The following PTPRT variants were observed in gnomAD, a reference collection of about 807,000 sequenced individuals.
The protein encoded by PTPRT is protein tyrosine phosphatase receptor type T.
In PTPRT, 56 loss-of-function variants were observed where a neutral mutation model predicts 176.8. That is an observed-to-expected ratio of 0.32 (90% confidence interval 0.26 to 0.40). The LOEUF (loss-of-function observed/expected upper bound fraction) is 0.40. Among genes scored for constraint, PTPRT ranks in the 10% least tolerant of loss-of-function variants. The probability of loss-of-function intolerance (pLI) is 1.00; values close to 1 mark genes in which losing one functional copy is unlikely to be tolerated. For synonymous variants in PTPRT, 783 were observed against 739.0 expected, an observed-to-expected ratio of 1.06 and a Z score of -0.96; for missense variants, 1,540 against 1,908.2, an observed-to-expected ratio of 0.81 and a Z score of 3.60.
intron 17 of PTPRT, among the ~76,000 whole-genome samples, chr20:42,146,808 C>G (rs892710827): frequency 8.5e-5 from 13 of 152,218 alleles, no homozygotes; most frequent in Non-Finnish European, 5.9e-5. Context: ...TTAATGACTT[C>G]ACCCCAAATG....
intron 7 of PTPRT, among the ~76,000 whole-genome samples, chr20:42,563,693 A>T (rs2072991566): frequency 6.6e-6 from 1 of 152,242 alleles, no homozygotes; most frequent in African/African-American, 2.4e-5. Flanking sequence ...ATATGTCTTT[A>T]TCATGGAGAG....
intron 7 of PTPRT, among the ~76,000 whole-genome samples, chr20:42,584,354 T>A (rs896641880): frequency 6.6e-6 from 1 of 152,152 alleles, no homozygotes; most frequent in African/African-American, 2.4e-5. Flanking sequence ...CCCACTGGCC[T>A]CCCTGTTCCT....
chr20:43,052,051 C>T (rs544656153), intron 1 of PTPRT, among the ~76,000 whole-genome samples: 5 of 152,200 alleles, frequency 3.3e-5, no homozygotes, highest in South Asian at 4.1e-4. Flanking sequence ...AATGGTCTCA[C>T]GGAAACAAAA....
chr20:42,397,543 T>A (rs377457905), intron 9 of PTPRT, among the ~76,000 whole-genome samples: 3 of 152,226 alleles, frequency 2.0e-5, no homozygotes, highest in Admixed American at 6.5e-5. Context: ...CATTTATAAG[T>A]GAGAACATTT....
intron 1 of PTPRT, among the ~76,000 whole-genome samples, chr20:42,961,872 G>A (rs941219334): frequency 6.6e-6 from 1 of 152,170 alleles, no homozygotes; most frequent in African/African-American, 2.4e-5. Context: ...ATAAGTGAAG[G>A]AGCGGGGCGG....
intron 1 of PTPRT, among the ~76,000 whole-genome samples, chr20:43,007,395 C>A (rs1419289486): frequency 6.6e-6 from 1 of 152,180 alleles, no homozygotes; most frequent in Non-Finnish European, 1.5e-5. Flanking sequence ...TCTTATTATT[C>A]TGCTATCTTT....
intron 1 of PTPRT, among the ~76,000 whole-genome samples, chr20:43,046,930 T>C (rs1196741467): frequency 6.6e-6 from 1 of 152,174 alleles, no homozygotes; most frequent in Non-Finnish European, 1.5e-5. Context: ...GCTTTCAATA[T>C]TTTTGCAGGG....
At chr20:43,029,974 C>A (rs1986073773) in intron 1 of PTPRT, among the ~76,000 whole-genome samples, 1 of 152,190 alleles carries the variant, frequency 6.6e-6, no homozygotes. Context: ...ACCTGATATG[C>A]AGCATAGATG....
chr20:42,046,664 C>T, the PTPRT span, among the ~76,000 whole-genome samples: 1 of 152,314 alleles, frequency 6.6e-6, no homozygotes, highest in East Asian at 1.9e-4. Flanking sequence ...CTCTATCAAT[C>T]TTCCAGTGCA....
chr20:42,508,869 T>A (rs2071897720), intron 7 of PTPRT, among the ~76,000 whole-genome samples: 2 of 147,756 alleles, frequency 1.4e-5, no homozygotes, highest in African/African-American at 4.9e-5. Context: ...CTGTTTATCC[T>A]TACACTTAAT....
chr20:42,919,813 T>C (rs1979027273), intron 1 of PTPRT, among the ~76,000 whole-genome samples: 1 of 152,246 alleles, frequency 6.6e-6, no homozygotes, highest in South Asian at 2.1e-4. Context: ...TTCATTCTTT[T>C]AGTGTAGTTC....
intron 2 of PTPRT, among the ~76,000 whole-genome samples, chr20:42,838,386 T>C (rs992471806): frequency 2.0e-5 from 3 of 152,250 alleles, no homozygotes; most frequent in Non-Finnish European, 2.9e-5. Flanking sequence ...AACCATATTA[T>C]GAGCCCTTGC....
intron 1 of PTPRT, among the ~76,000 whole-genome samples, chr20:43,056,814 C>T (rs537058941): frequency 5.9e-5 from 9 of 152,254 alleles, no homozygotes; most frequent in African/African-American, 9.6e-5. Context: ...CAGACTCAAA[C>T]GGATTAATTG....
intron 5 of PTPRT, among the ~76,000 whole-genome samples, chr20:42,766,824 AG>A (rs1370322626): frequency 6.6e-6 from 1 of 152,210 alleles, no homozygotes; most frequent in East Asian, 1.9e-4. Flanking sequence ...TACCACTTTC[AG>A]TGACTTAGTG....
intron 13 of PTPRT, among the ~76,000 whole-genome samples, chr20:42,249,685 A>G (rs1214276086): frequency 6.6e-6 from 1 of 152,134 alleles, no homozygotes; most frequent in Non-Finnish European, 1.5e-5. Context: ...CCAATTTTAG[A>G]CCTCAGTGGT....
intron 8 of PTPRT, among the ~76,000 whole-genome samples, chr20:42,458,983 G>A (rs2070970961): frequency 6.6e-6 from 1 of 152,194 alleles, no homozygotes; most frequent in Non-Finnish European, 1.5e-5. Context: ...TATACAGTAT[G>A]TCAGATGATA....
intron 1 of PTPRT, among the ~76,000 whole-genome samples, chr20:43,115,479 T>C (rs143266231): frequency 0.027 from 4,054 of 152,200 alleles, 79 homozygotes; most frequent in South Asian, 0.08. Context: ...CCATCGATGA[T>C]ACCACAGAGC....
In PTPRT at chr20:43,032,491, A is replaced by C. The variant is rs551151381; in HGVS notation, c.89-146559T>G. On this transcript the variant is annotated intron_variant, in intron 1 of 30. Coordinates refer to ENST00000373187, the MANE Select transcript of PTPRT (RefSeq NM_007050.6). Reference sequence around the variant, plus strand: ...TTTTCATTAAAAAAAAAAAAAAAAAACAGTGGCAAATAAACCTAATTAATC... The same window carrying C: ...TTTTCATTAAAAAAAAAAAAAAAAACCAGTGGCAAATAAACCTAATTAATC... Among the ~76,000 whole-genome samples the C allele has an allele frequency of 7.6e-5, 11 of 144,700 alleles. No individual in the cohort carries two copies. In the East Asian group the frequency reaches 1.2e-3, roughly 15 times the overall value. The allele number at this position is 144,700 out of a possible 152,430, so 94.9% of individuals were successfully genotyped here. A position where few individuals can be genotyped will look rare whatever the true frequency, so the allele number is the denominator to read the frequency against.
At chr20:42,535,099 A>C (rs1046011380) in intron 7 of PTPRT, among the ~76,000 whole-genome samples, 1 of 152,174 alleles carries the variant, frequency 6.6e-6, no homozygotes, top group African/African-American at 2.4e-5. Context: ...CGCTGTTACC[A>C]AAGTCCCTGG....
Sources: allele counts gnomAD v4.1 joint callset (sites outside exome capture counted in the v4.1 genomes callset), GRCh38; gene constraint gnomAD v4.1.1; transcripts MANE v1.5; gene names NCBI Gene and HGNC (gene_info 2026-07-23, HGNC 2026-07-21).